Variants in BTBD1 observed in about 807,000 individuals in gnomAD.
BTBD1 encodes BTB domain containing 1, also known as BTB/POZ domain-containing protein 1.
A neutral mutation model predicts 48.0 loss-of-function variants in BTBD1; 34 were observed. The observed-to-expected ratio is 0.71, with a 90% confidence interval of 0.54 to 0.94. The LOEUF is 0.94. Among genes scored for constraint, BTBD1 ranks in the 40% least tolerant of loss-of-function variants. The probability of loss-of-function intolerance (pLI) is 0.00; values close to 1 mark genes in which losing one functional copy is unlikely to be tolerated. For missense variants in BTBD1, 543 were observed against 625.6 expected, an observed-to-expected ratio of 0.87 and a Z score of 1.41; for synonymous variants, 261 against 242.1, an observed-to-expected ratio of 1.08 and a Z score of -0.72.
chr15:83,043,481 G>A (rs545544252), intron 3 of BTBD1, among the ~76,000 whole-genome samples: 73 of 152,238 alleles, frequency 4.8e-4, no homozygotes, highest in African/African-American at 1.6e-3. Flanking sequence ...CACATTTTAT[G>A]TTCTGAAAGG....
intron 3 of BTBD1, among the ~76,000 whole-genome samples, chr15:83,048,208 G>A (rs2032914327): frequency 6.6e-6 from 1 of 152,190 alleles, no homozygotes; most frequent in Admixed American, 6.5e-5. Flanking sequence ...TTTAGCCCAA[G>A]CAATCAGGTT....
chr15:83,025,862 C>A (rs1050534824), intron 5 of BTBD1, among the ~76,000 whole-genome samples: 1 of 152,054 alleles, frequency 6.6e-6, no homozygotes, highest in Non-Finnish European at 1.5e-5. Context: ...CTCCGCCTCC[C>A]GGGTTCACGC....
At chr15:83,020,233 T>A (rs1293935593) in intron 6 of BTBD1, 1 of 154,886 alleles carries the variant, frequency 6.5e-6, no homozygotes, top group East Asian at 1.9e-4. Context: ...ATCGCACCAC[T>A]GCTCTTCAGC....
intron 2 of BTBD1, among the ~76,000 whole-genome samples, chr15:83,054,770 C>A (rs749671432): frequency 2.0e-5 from 3 of 152,018 alleles, no homozygotes; most frequent in Non-Finnish European, 4.4e-5. Flanking sequence ...CCATGTTGGC[C>A]AGGATGGTCT....
intron 1 of BTBD1, among the ~76,000 whole-genome samples, chr15:83,062,817 C>A (rs970011137): frequency 6.6e-6 from 1 of 152,270 alleles, no homozygotes; most frequent in Non-Finnish European, 1.5e-5. Flanking sequence ...AGAACACTTA[C>A]CTCGTGCCCC....
intron 4 of BTBD1, among the ~76,000 whole-genome samples, chr15:83,031,324 T>C (rs1163672697): frequency 1.3e-5 from 2 of 152,234 alleles, no homozygotes; most frequent in African/African-American, 2.4e-5. Flanking sequence ...CATAAATGTC[T>C]TCTTTTGAGA....
chr15:83,054,558 T>A (rs1274722464), intron 2 of BTBD1, among the ~76,000 whole-genome samples: 1 of 140,620 alleles, frequency 7.1e-6, no homozygotes, highest in Non-Finnish European at 1.6e-5. Context: ...TACCAAACAT[T>A]TTTTCTTTTT....
chr15:83,018,998 GGGGGGTGGT>G, intron 6 of BTBD1, 145 bp from the exon 7 acceptor site: 3 of 244,620 alleles, frequency 1.2e-5, no homozygotes, highest in African/African-American at 2.7e-5. Context: ...GTGGGGGGGT[GGGGGGTGGT>G]GTGTGTGTGT....
chr15:83,035,927 A>C (rs2032617837), intron 4 of BTBD1, among the ~76,000 whole-genome samples: 1 of 151,966 alleles, frequency 6.6e-6, no homozygotes, highest in African/African-American at 2.4e-5. Context: ...TCTCTCATTC[A>C]GTAGTCATAA....
At chr15:83,046,873 A>G (rs1378624750) in intron 3 of BTBD1, among the ~76,000 whole-genome samples, 1 of 152,226 alleles carries the variant, frequency 6.6e-6, no homozygotes, top group African/African-American at 2.4e-5. Context: ...ATGTTAGAAC[A>G]GAGGAATATA....
intron 4 of BTBD1, among the ~76,000 whole-genome samples, chr15:83,036,581 T>C (rs1378249622): frequency 2.0e-5 from 3 of 152,222 alleles, no homozygotes; most frequent in Admixed American, 2.0e-4. Context: ...CACTCGTATA[T>C]ATCCAACAGA....
At position 83,020,696 on chromosome 15, in the gene BTBD1, T is replaced by C; in HGVS notation, c.1122A>G (p.Thr374=). 6.2e-7 allele frequency: 1 copy of C among 1,600,072 alleles called. No homozygotes were observed. The highest frequency in any genetic ancestry group is 1.1e-5 in the South Asian group (1 of 90,612). Residue 374 remains threonine, a synonymous_variant, in exon 6 of 8, where the codon ACA becomes ACG. Transcript: ENST00000261721. ...FGLYGSIHGP[T]DYQVNIQIIE... ...GTACCTGTATATTCACTTGATAATC[T>C]GTAGGGCCATGAATAGATCCATACA...
intron 4 of BTBD1, among the ~76,000 whole-genome samples, chr15:83,040,257 GA>G (rs1310675445): frequency 6.6e-6 from 1 of 152,116 alleles, no homozygotes; most frequent in Non-Finnish European, 1.5e-5. Flanking sequence ...ACAGAAGGGG[GA>G]AAAGAGTTAA....
intron 1 of BTBD1, among the ~76,000 whole-genome samples, chr15:83,066,243 T>C (rs537664986): frequency 6.6e-6 from 1 of 152,070 alleles, no homozygotes; most frequent in East Asian, 1.9e-4. Flanking sequence ...GAGGCTGCAG[T>C]GAGCCATGAT....
At chr15:83,062,963 T>C (rs2033199975) in intron 1 of BTBD1, among the ~76,000 whole-genome samples, 1 of 152,198 alleles carries the variant, frequency 6.6e-6, no homozygotes, top group African/African-American at 2.4e-5. Context: ...TTGGCAGGGT[T>C]ATCGATAGCT....
At chr15:83,047,459 T>C (rs1384761642) in intron 3 of BTBD1, among the ~76,000 whole-genome samples, 1 of 152,216 alleles carries the variant, frequency 6.6e-6, no homozygotes, top group Non-Finnish European at 1.5e-5. Flanking sequence ...ATGTAGGTAG[T>C]GGCTTCTACC....
In BTBD1 at chr15:83,044,748, C is replaced by T. The variant is rs572190172; in HGVS notation, c.665-2823G>A. On this transcript the variant is annotated intron_variant, in intron 3 of 7. Coordinates refer to ENST00000261721, the MANE Select transcript of BTBD1 (RefSeq NM_025238.4). Reference sequence around the variant, plus strand: ...TGTCATGAACAATGTCGCCTGTACTCGGATCTATGAAAAAGTAGAATAAAA... The same window carrying T: ...TGTCATGAACAATGTCGCCTGTACTTGGATCTATGAAAAAGTAGAATAAAA... 7.4e-4 allele frequency: 1,073 copies of T among 1,451,056 alleles called. 18 individuals are homozygous for T. The South Asian group carries it at 0.011, about 15-fold the overall frequency. The allele number at this position is 1,451,056 out of a possible 1,614,324, so 89.9% of individuals were successfully genotyped here.
chr15:83,027,966 C>A (rs1303270487), intron 5 of BTBD1, among the ~76,000 whole-genome samples: 1 of 152,082 alleles, frequency 6.6e-6, no homozygotes, highest in Non-Finnish European at 1.5e-5. Flanking sequence ...TACATTTATT[C>A]CCCTTTATAT....
At chr15:83,042,398 TAG>T (rs1567108329) in intron 3 of BTBD1, among the ~76,000 whole-genome samples, 18 of 54,968 alleles carry the variant, frequency 3.3e-4, no homozygotes, top group Admixed American at 7.8e-4. Context: ...ATTTTGGATA[TAG>T]AGTCATAGAG....
Sources: gnomAD v4.1 joint callset for allele counts (sites outside exome capture counted in the v4.1 genomes callset) on GRCh38, gnomAD v4.1.1 for gene constraint, MANE v1.5 for transcripts, NCBI Gene and HGNC (gene_info 2026-07-23, HGNC 2026-07-21) for gene names.